Variants in MCTP1 observed in about 807,000 individuals in gnomAD.
MCTP1 encodes multiple C2 and transmembrane domain containing 1, also known as multiple C2 and transmembrane domain-containing protein 1.
MCTP1 carries 69 observed loss-of-function variants against 120.6 expected under a neutral mutation model. The observed-to-expected ratio is 0.57, with a 90% CI of 0.47 to 0.70. The LOEUF (loss-of-function observed/expected upper bound fraction) is 0.70. Among genes scored for constraint, MCTP1 ranks in the 30% least tolerant of loss-of-function variants. The pLI is 0.00. For missense variants in MCTP1, 1,203 were observed against 1,248.8 expected (o/e 0.96, Z 0.55); for synonymous variants, 529 against 493.1 (o/e 1.07, Z -0.96).
At chr5:95,170,313 G>T (rs1404746022) in intron 1 of MCTP1, among the ~76,000 whole-genome samples, 1 of 152,192 alleles carries the variant, frequency 6.6e-6, no homozygotes, top group Non-Finnish European at 1.5e-5. Flanking sequence ...CATTTGCTGA[G>T]GAGTGCTTTA....
intron 10 of MCTP1, among the ~76,000 whole-genome samples, chr5:94,896,205 A>G (rs564777247): frequency 5.9e-5 from 9 of 152,314 alleles, no homozygotes; most frequent in African/African-American, 2.2e-4. Context: ...GAAAACAACC[A>G]TTCAAACATA....
intron 10 of MCTP1, among the ~76,000 whole-genome samples, chr5:94,908,389 A>G (rs1807504967): frequency 6.6e-6 from 1 of 152,048 alleles, no homozygotes; most frequent in South Asian, 2.1e-4. Context: ...ATCAAGAGAT[A>G]AATATGTTGG....
chr5:94,840,049 G>A (rs1328639398), intron 17 of MCTP1, among the ~76,000 whole-genome samples: 2 of 152,180 alleles, frequency 1.3e-5, no homozygotes, highest in East Asian at 3.8e-4. Context: ...AAATACAGTT[G>A]CATGTGACAC....
At chr5:94,739,917 C>T (rs1490372616) in intron 19 of MCTP1, among the ~76,000 whole-genome samples, 1 of 152,304 alleles carries the variant, frequency 6.6e-6, no homozygotes, top group East Asian at 1.9e-4. Flanking sequence ...ATCCACCCAC[C>T]TCAGTCTCCC....
At chr5:94,947,071 G>T (rs988684251) in intron 3 of MCTP1, among the ~76,000 whole-genome samples, 1 of 152,078 alleles carries the variant, frequency 6.6e-6, no homozygotes, top group Non-Finnish European at 1.5e-5. Flanking sequence ...CCTATTTCCA[G>T]CATCTCTGGA....
chr5:94,846,404 A>G lies in MCTP1; in HGVS notation c.2436+21929T>C, dbSNP rs78344131. Reference sequence around the variant, plus strand: ...CCTCAGCAAACTAACAAAGAAACAAAAAAAACAAGCACCACATGTTCTCAC... The same window carrying G: ...CCTCAGCAAACTAACAAAGAAACAAGAAAAACAAGCACCACATGTTCTCAC... On this transcript the variant is annotated intron_variant, in intron 17 of 22. Transcript: ENST00000515393. Among the ~76,000 whole-genome samples, 498 of 152,272 alleles carry G rather than the reference A, an allele frequency of 3.3e-3. 4 individuals are homozygous for G. Among genetic ancestry groups the G allele is most frequent in the African/African-American group, 0.011 (475 of 41,554 alleles).
At chr5:95,075,619 A>C (rs1467672623) in intron 1 of MCTP1, among the ~76,000 whole-genome samples, 1 of 152,220 alleles carries the variant, frequency 6.6e-6, no homozygotes, top group Non-Finnish European at 1.5e-5. Context: ...AAAAACACCT[A>C]GATGGAGACG....
At chr5:94,949,294 A>G (rs934543211) in intron 3 of MCTP1, among the ~76,000 whole-genome samples, 7 of 152,132 alleles carry the variant, frequency 4.6e-5, no homozygotes, top group African/African-American at 1.7e-4. Context: ...AATTTATCCT[A>G]TTATCTAAGG....
intron 1 of MCTP1, among the ~76,000 whole-genome samples, chr5:95,122,110 C>G (rs751279010): frequency 4.5e-4 from 68 of 152,122 alleles, no homozygotes; most frequent in Non-Finnish European, 8.2e-4. Flanking sequence ...GAGTAATACC[C>G]CACAAGCTCA....
At chr5:94,911,505 G>A (rs1808562592) in intron 9 of MCTP1, among the ~76,000 whole-genome samples, 1 of 152,072 alleles carries the variant, frequency 6.6e-6, no homozygotes. Flanking sequence ...AAAGTGTGTG[G>A]CACTTCCCTT....
chr5:95,085,190 C>T (rs1755333600), intron 1 of MCTP1, among the ~76,000 whole-genome samples: 4 of 151,970 alleles, frequency 2.6e-5, no homozygotes, highest in Admixed American at 2.6e-4. Context: ...TTTACCTATC[C>T]CATTACCTAT....
At chr5:94,733,375 C>T (rs1034105291) in intron 19 of MCTP1, among the ~76,000 whole-genome samples, 7 of 152,176 alleles carry the variant, frequency 4.6e-5, no homozygotes, top group African/African-American at 1.4e-4. Context: ...CACAGCAATA[C>T]GATCAATACA....
At chr5:95,015,929 A>T (rs952230811) in intron 2 of MCTP1, among the ~76,000 whole-genome samples, 2 of 152,108 alleles carry the variant, frequency 1.3e-5, no homozygotes, top group African/African-American at 2.4e-5. Context: ...TCTGTTTTAG[A>T]TTGAATGATA....
intron 1 of MCTP1, among the ~76,000 whole-genome samples, chr5:95,244,898 G>A (rs960425332): frequency 2.6e-5 from 4 of 152,122 alleles, no homozygotes; most frequent in African/African-American, 4.8e-5. Context: ...AGTGTCGCCT[G>A]ACTGGGAAAC....
chr5:95,187,556 C>T (rs991047025), intron 1 of MCTP1, among the ~76,000 whole-genome samples: 4 of 152,110 alleles, frequency 2.6e-5, no homozygotes, highest in Non-Finnish European at 4.4e-5. Flanking sequence ...CCCGCCACCA[C>T]GCCCGGCTAA....
rs1165706659 is a variant in MCTP1 at position 94,705,071 on chromosome 5, T to C, written c.*2425A>G. On this transcript the variant is annotated 3_prime_UTR_variant, in exon 23 of 23. Transcript: ENST00000515393. ...CTAAAAGATACTAAAGGAATATATT[T>C]AGTAGTTCACAATATCTATAATAGT... 1 of 151,454 alleles carries C rather than the reference T, an allele frequency of 6.6e-6. No individual in the cohort carries two copies. The highest frequency in any genetic ancestry group is 1.5e-5 in the Non-Finnish European group (1 of 67,614). The allele number at this position is 151,454 out of a possible 1,614,324, so 9.4% of individuals were successfully genotyped here.
chr5:94,947,555 AAT>A lies in MCTP1; in HGVS notation c.982-5130_982-5129del, dbSNP rs377155852. 1.5e-3 allele frequency among the ~76,000 whole-genome samples: 59 copies of A among 39,502 alleles called. 3 individuals carry two copies. The highest frequency in any genetic ancestry group is 1.8e-3 in the African/African-American group (16 of 9,090). The allele number at this position is 39,502 out of a possible 152,430, so 25.9% of individuals were successfully genotyped here. ...AAAATATTTTAGTGTTAGTTTACTA[AAT>A]ATATATATATATATATATATAGAGA... is the stretch of plus-strand genomic sequence containing the variant. On this transcript the variant is annotated intron_variant, in intron 3 of 22. Coordinates refer to ENST00000515393, the MANE Select transcript of MCTP1 (RefSeq NM_024717.7).
At chr5:94,809,366 A>G (rs1216306343) in intron 17 of MCTP1, among the ~76,000 whole-genome samples, 1 of 152,090 alleles carries the variant, frequency 6.6e-6, no homozygotes, top group African/African-American at 2.4e-5. Flanking sequence ...TGTAAAGCCC[A>G]GAGTATGTCC....
intron 2 of MCTP1, among the ~76,000 whole-genome samples, chr5:94,993,005 TTTAG>T (rs1831907233): frequency 6.6e-6 from 1 of 152,232 alleles, no homozygotes; most frequent in South Asian, 2.1e-4. Flanking sequence ...AGCCATTTAT[TTTAG>T]TTATTCTTAT....
Sources: gnomAD v4.1 joint callset for allele counts (sites outside exome capture counted in the v4.1 genomes callset) on GRCh38, gnomAD v4.1.1 for gene constraint, MANE v1.5 for transcripts, NCBI Gene and HGNC (gene_info 2026-07-23, HGNC 2026-07-21) for gene names.